CFAP20DC: variants seen among roughly 807,000 people sequenced by gnomAD.
CFAP20DC encodes CFAP20 domain containing.
A neutral mutation model predicts 101.7 loss-of-function variants in CFAP20DC; 84 were observed. That is an observed-to-expected ratio of 0.83 (90% CI 0.69 to 0.99). CFAP20DC has a LOEUF of 0.99. Among genes scored for constraint, CFAP20DC ranks in the 50% least tolerant of loss-of-function variants. CFAP20DC has a pLI of 0.00. For missense variants in CFAP20DC, 1,007 were observed against 970.3 expected (o/e 1.04, Z -0.50); for synonymous variants, 359 against 351.2 (o/e 1.02, Z -0.25).
chr3:58,902,891 TG>T (rs1487914526), intron 6 of CFAP20DC, among the ~76,000 whole-genome samples: 2 of 152,218 alleles, frequency 1.3e-5, no homozygotes, highest in Admixed American at 1.3e-4. Context: ...ATTGTTATAT[TG>T]TTTTTTTAAT....
At chr3:58,822,855 T>G (rs2075781725) in intron 14 of CFAP20DC, among the ~76,000 whole-genome samples, 1 of 152,066 alleles carries the variant, frequency 6.6e-6, no homozygotes, top group African/African-American at 2.4e-5. Context: ...TCATAAAACA[T>G]AGCTAGGATT....
intron 15 of CFAP20DC, among the ~76,000 whole-genome samples, chr3:58,766,921 T>C (rs1483574362): frequency 6.6e-6 from 1 of 152,200 alleles, no homozygotes; most frequent in South Asian, 2.1e-4. Flanking sequence ...TTCGCTGACA[T>C]CCCCTCTTCA....
chr3:58,945,457 G>GT (rs2089216196), intron 4 of CFAP20DC, among the ~76,000 whole-genome samples: 1 of 151,696 alleles, frequency 6.6e-6, no homozygotes, highest in African/African-American at 2.4e-5. Context: ...CTTTTGATAG[G>GT]TAAAAAAAAG....
At chr3:58,974,143 T>C (rs537875393) in intron 4 of CFAP20DC, among the ~76,000 whole-genome samples, 1 of 152,098 alleles carries the variant, frequency 6.6e-6, no homozygotes, top group South Asian at 2.1e-4. Context: ...CATGTGAAAG[T>C]TTGTTACATG....
At chr3:58,786,598 C>T (rs550633414) in intron 15 of CFAP20DC, among the ~76,000 whole-genome samples, 29 of 151,994 alleles carry the variant, frequency 1.9e-4, no homozygotes, top group African/African-American at 6.3e-4. Context: ...TCTTAGTAGC[C>T]GTCTCCATTA....
chr3:58,857,888 A>G (rs912320536), intron 12 of CFAP20DC, among the ~76,000 whole-genome samples: 4 of 152,182 alleles, frequency 2.6e-5, no homozygotes, highest in African/African-American at 9.6e-5. Context: ...CTCTTTAATA[A>G]GGTAGAGATG....
chr3:58,767,620 C>T (rs1326565270), intron 15 of CFAP20DC, among the ~76,000 whole-genome samples: 4 of 152,188 alleles, frequency 2.6e-5, no homozygotes, highest in Non-Finnish European at 5.9e-5. Flanking sequence ...ACTCTAACTC[C>T]TAGCTTCAAG....
In CFAP20DC at chr3:58,899,887, T is replaced by C. The variant is rs1264631595; in HGVS notation, c.550+13821A>G. Among the ~76,000 whole-genome samples the C allele has an allele frequency of 6.6e-6, 1 of 152,132 alleles. No homozygotes were observed. Among genetic ancestry groups the C allele is most frequent in the Non-Finnish European group, 1.5e-5 (1 of 68,022 alleles). On this transcript the variant is annotated intron_variant, in intron 6 of 16. Coordinates refer to ENST00000482387, the MANE Select transcript of CFAP20DC (RefSeq NM_001394063.1). The surrounding 1 kb of genome is among the most constrained non-coding windows in gnomAD (Gnocchi z 5.0). ...TGCCACTTTCACTCCTCTCCACGAG[T>C]GCTGCAGACCACAGCTGCTTTTAAT...
intron 3 of CFAP20DC, among the ~76,000 whole-genome samples, chr3:58,736,868 G>A (rs546442194): frequency 8.5e-5 from 13 of 152,266 alleles, no homozygotes; most frequent in African/African-American, 2.6e-4. Flanking sequence ...AAAAATTAGT[G>A]TTATCTGTGG....
At chr3:58,809,730 C>CA (rs1229606526) in intron 14 of CFAP20DC, among the ~76,000 whole-genome samples, 6 of 151,884 alleles carry the variant, frequency 4.0e-5, no homozygotes, top group Admixed American at 3.9e-4. Flanking sequence ...AATAGAAACA[C>CA]AAAAAACGCT....
At position 58,893,873 on chromosome 3, in the gene CFAP20DC, G is replaced by T. The variant is rs2082453923; in HGVS notation, c.551-9164C>A. ...GACTGGGCAATTTATAAAAGAAAGA[G>T]GTTTAATGGAGAACTCAGAGTTCCA... On this transcript the variant is annotated intron_variant, in intron 6 of 16. Transcript: ENST00000482387. Among the ~76,000 whole-genome samples, 2 of 152,008 alleles carry T rather than the reference G, an allele frequency of 1.3e-5. 1 individual carries two copies. Among genetic ancestry groups the T allele is most frequent in the South Asian group, 4.1e-4 (2 of 4,822 alleles).
chr3:58,976,605 G>A (rs2092288624), intron 4 of CFAP20DC, among the ~76,000 whole-genome samples: 1 of 152,264 alleles, frequency 6.6e-6, no homozygotes, highest in South Asian at 2.1e-4. Flanking sequence ...ATCACAAGAG[G>A]TCCTCTAATA....
chr3:58,828,751 G>A (rs1156664635), intron 14 of CFAP20DC, among the ~76,000 whole-genome samples: 1 of 151,886 alleles, frequency 6.6e-6, no homozygotes, highest in Non-Finnish European at 1.5e-5. Flanking sequence ...TCAGTATCAT[G>A]CAATGTACCC....
chr3:58,869,262 A>T lies in CFAP20DC; in HGVS notation c.1015+66T>A. 1 of 1,310,970 alleles carries T rather than the reference A, an allele frequency of 7.6e-7. No homozygotes were observed. The highest frequency in any genetic ancestry group is 1.5e-5 in the African/African-American group (1 of 67,942). The allele number at this position is 1,310,970 out of a possible 1,614,324, so 81.2% of individuals were successfully genotyped here. ...TAGACTTGAATATAACTGCTGATTT[A>T]TCTTAACAAGAACATTTCTCACTAT... On this transcript the variant is annotated intron_variant, in intron 9 of 16. Coordinates refer to ENST00000482387, the MANE Select transcript of CFAP20DC (RefSeq NM_001394063.1). The surrounding 1 kb of genome is among the most constrained non-coding windows in gnomAD (Gnocchi z 4.3).
intron 14 of CFAP20DC, among the ~76,000 whole-genome samples, chr3:58,809,500 C>T (rs2074417709): frequency 6.6e-6 from 1 of 151,940 alleles, no homozygotes; most frequent in Non-Finnish European, 1.5e-5. Context: ...TTCTTTGAAA[C>T]CAACGAGAAC....
At chr3:58,720,631 G>T (rs983578002) in intron 3 of CFAP20DC, among the ~76,000 whole-genome samples, 3 of 152,162 alleles carry the variant, frequency 2.0e-5, no homozygotes, top group Non-Finnish European at 4.4e-5. Flanking sequence ...GAGGAATTTG[G>T]AAACAATCTT....
At chr3:58,870,770 C>A (rs1031039260) in intron 7 of CFAP20DC, among the ~76,000 whole-genome samples, 5 of 148,148 alleles carry the variant, frequency 3.4e-5, no homozygotes, top group African/African-American at 9.9e-5. Flanking sequence ...CGCCTGTAGT[C>A]CCAGCTACTC....
At chr3:58,784,558 A>T in intron 15 of CFAP20DC, among the ~76,000 whole-genome samples, 1 of 152,080 alleles carries the variant, frequency 6.6e-6, no homozygotes, top group East Asian at 1.9e-4. Flanking sequence ...TTCTTTATTC[A>T]GTCCACTGTT....
intron 13 of CFAP20DC, among the ~76,000 whole-genome samples, chr3:58,845,108 A>T (rs1299601541): frequency 1.3e-5 from 2 of 149,228 alleles, no homozygotes; most frequent in Non-Finnish European, 3.0e-5. Flanking sequence ...AAGAACTAGA[A>T]AAGCAAGAGC....
Sources: allele counts gnomAD v4.1 joint callset (sites outside exome capture counted in the v4.1 genomes callset), GRCh38; gene constraint gnomAD v4.1.1; non-coding constraint Gnocchi (gnomAD v3.1); transcripts MANE v1.5; gene names NCBI Gene and HGNC (gene_info 2026-07-23, HGNC 2026-07-21).